EFCAB6: variants seen among roughly 807,000 people sequenced by gnomAD.
EFCAB6 encodes the protein EF-hand calcium-binding domain-containing protein 6.
Under a neutral mutation model 169.8 loss-of-function variants are expected in EFCAB6, and 156 were observed. The observed-to-expected ratio is 0.92, with a 90% CI of 0.81 to 1.05. EFCAB6 has a LOEUF of 1.05. Among genes scored for constraint, EFCAB6 ranks in the 50% least tolerant of loss-of-function variants. EFCAB6 has a pLI of 0.00. For synonymous variants in EFCAB6, 698 were observed against 676.4 expected (o/e 1.03, Z -0.50); for missense variants, 1,800 against 1,829.1 (o/e 0.98, Z 0.29).
chr22:43,731,708 C>T lies in EFCAB6; in HGVS notation c.748G>A (p.Gly250Arg). ...NNDLNLRYCM[G>R]NQEVSLENQQ... is the part of the protein sequence containing the mutation. ...CTTTAAAAATACTTACCTTGATTTC[C>T]CATACAATATCTAAGGTTCAAGTCG... Residue 250 changes from glycine (G) to arginine (R), a missense_variant, in exon 8 of 32, where the codon GGA becomes AGA. Gly to Arg is a moderately radical substitution (Grantham distance 125). Transcript: ENST00000262726. The T allele has an allele frequency of 6.3e-7, 1 of 1,577,132 alleles. No homozygotes were observed. Among genetic ancestry groups the T allele is most frequent in the Non-Finnish European group, 8.6e-7 (1 of 1,163,984 alleles).
chr22:43,615,727 C>T, intron 21 of EFCAB6, 99 bp downstream of exon 21: 1 of 1,018,160 alleles, frequency 9.8e-7, no homozygotes, highest in South Asian at 1.6e-5. Context: ...AGTTGTTTTC[C>T]CATCTTAGCG....
chr22:43,617,070 A>G (rs2053743394), intron 20 of EFCAB6, among the ~76,000 whole-genome samples: 1 of 152,184 alleles, frequency 6.6e-6, no homozygotes, highest in Non-Finnish European at 1.5e-5. Flanking sequence ...TTTCTGTGCC[A>G]TCTTTCTCCA....
At chr22:43,582,167 G>T (rs1279814682) in intron 24 of EFCAB6, among the ~76,000 whole-genome samples, 1 of 152,112 alleles carries the variant, frequency 6.6e-6, no homozygotes, top group Non-Finnish European at 1.5e-5. Flanking sequence ...GTTTTAACAA[G>T]AATCTCTTAT....
intron 6 of EFCAB6, among the ~76,000 whole-genome samples, chr22:43,742,974 C>G (rs1281083971): frequency 2.0e-5 from 3 of 152,192 alleles, no homozygotes; most frequent in African/African-American, 7.2e-5. Flanking sequence ...GAAGGCAAGA[C>G]AGAAAACTCT....
intron 8 of EFCAB6, among the ~76,000 whole-genome samples, chr22:43,725,614 C>T (rs1342110954): frequency 2.6e-5 from 4 of 152,148 alleles, no homozygotes; most frequent in African/African-American, 4.8e-5. Flanking sequence ...ACCATAACAC[C>T]AACCCAGAAA....
intron 2 of EFCAB6, among the ~76,000 whole-genome samples, chr22:43,799,252 C>A (rs377565825): frequency 1.3e-5 from 2 of 151,754 alleles, no homozygotes; most frequent in Non-Finnish European, 2.9e-5. Context: ...ATCACTTGAG[C>A]CCAGGAGTTC....
chr22:43,606,088 A>C (rs1005806765), intron 22 of EFCAB6, among the ~76,000 whole-genome samples: 2 of 152,228 alleles, frequency 1.3e-5, no homozygotes, highest in African/African-American at 2.4e-5. Context: ...GAGGAAGTAG[A>C]GGAATTACCA....
Position 43,615,932 on chromosome 22 carries a change from A to C in EFCAB6, c.2466-10T>G. 2 of 1,607,224 alleles carry C rather than the reference A, an allele frequency of 1.2e-6. No individual in the cohort carries two copies. Among genetic ancestry groups the C allele is most frequent in the African/African-American group, 2.7e-5 (2 of 74,802 alleles). ...AACCTTCTGTTTTGGTCTTAAAAGA[A>C]AAAAAATAATAAATAACTGTGTTTA... On this transcript the variant is annotated splice_polypyrimidine_tract_variant and intron_variant, in intron 20 of 31. Coordinates refer to ENST00000262726, the MANE Select transcript of EFCAB6 (RefSeq NM_022785.4).
At chr22:43,765,035 T>A (rs763444223) in intron 5 of EFCAB6, among the ~76,000 whole-genome samples, 1 of 152,230 alleles carries the variant, frequency 6.6e-6, no homozygotes, top group Non-Finnish European at 1.5e-5. Flanking sequence ...ATATTGCATG[T>A]AAACTATTTT....
chr22:43,652,319 C>T (rs974451725), intron 17 of EFCAB6, among the ~76,000 whole-genome samples: 1 of 152,094 alleles, frequency 6.6e-6, no homozygotes, highest in Non-Finnish European at 1.5e-5. Flanking sequence ...TTTTTGCCTG[C>T]CACCATCTAC....
In EFCAB6 at chr22:43,784,540, T is replaced by G. The variant is rs1007190023; in HGVS notation, c.-7-2215A>C. 2.0e-4 allele frequency among the ~76,000 whole-genome samples: 22 copies of G among 112,748 alleles called. 1 individual carries two copies. The highest frequency in any genetic ancestry group is 3.4e-4 in the Non-Finnish European group (19 of 56,190). 74.0% of individuals were successfully genotyped at this position (112,748 alleles called of 152,430 possible). On this transcript the variant is annotated intron_variant, in intron 2 of 31. Transcript: ENST00000262726. ...GTGTGTGTGTGTGTGTGTGTGTGTG[T>G]GTGTATATGTATATATACACATATA...
intron 8 of EFCAB6, among the ~76,000 whole-genome samples, chr22:43,724,238 C>CA (rs2059639320): frequency 1.3e-5 from 2 of 152,122 alleles, no homozygotes; most frequent in African/African-American, 4.8e-5. Context: ...GGCATGGATA[C>CA]AATGCAGCCA....
In EFCAB6 at chr22:43,738,513, CAT is replaced by C. The variant is rs370293335; in HGVS notation, c.508-2522_508-2521del. Among the ~76,000 whole-genome samples the C allele has an allele frequency of 5.9e-3, 664 of 111,648 alleles. 4 individuals carry two copies. The highest frequency in any genetic ancestry group is 0.02 in the African/African-American group (469 of 23,966). The allele number at this position is 111,648 out of a possible 152,430, so 73.2% of individuals were successfully genotyped here. ...CACATGCACATATACTCACACACAC[CAT>C]ATCTCACACATATATTCACACACAC... On this transcript the variant is annotated intron_variant, in intron 6 of 31. Coordinates refer to ENST00000262726, the MANE Select transcript of EFCAB6 (RefSeq NM_022785.4).
chr22:43,606,917 T>C (rs1197920265), intron 22 of EFCAB6, among the ~76,000 whole-genome samples: 2 of 152,150 alleles, frequency 1.3e-5, no homozygotes, highest in Non-Finnish European at 1.5e-5. Flanking sequence ...GTGGGGGACA[T>C]GACTCCAATA....
At chr22:43,791,794 C>T (rs1266193472) in intron 2 of EFCAB6, among the ~76,000 whole-genome samples, 1 of 152,144 alleles carries the variant, frequency 6.6e-6, no homozygotes, top group Non-Finnish European at 1.5e-5. Flanking sequence ...AAGAACTCTG[C>T]TGTAATGGGG....
chr22:43,638,659 T>C lies in EFCAB6; in HGVS notation c.1984-3443A>G, dbSNP rs1028716747. Among the ~76,000 whole-genome samples the C allele has an allele frequency of 1.5e-4, 23 of 152,212 alleles. 1 individual carries two copies. Among genetic ancestry groups the C allele is most frequent in the African/African-American group, 5.5e-4 (23 of 41,456 alleles). ...GTTTGCTATGTCTCTTTGCAGCACTTTTTTGGTGGTTTCTATGTGATTACA... is the reference window on the plus strand; with the variant it reads ...GTTTGCTATGTCTCTTTGCAGCACTCTTTTGGTGGTTTCTATGTGATTACA... On this transcript the variant is annotated intron_variant, in intron 17 of 31. Transcript: ENST00000262726.
chr22:43,784,115 A>G lies in EFCAB6; in HGVS notation c.-7-1790T>C, dbSNP rs1165918645. Among the ~76,000 whole-genome samples the G allele has an allele frequency of 2.0e-5, 3 of 152,180 alleles. No individual in the cohort carries two copies. The East Asian group carries it at 5.8e-4, about 29-fold the overall frequency. On this transcript the variant is annotated intron_variant, in intron 2 of 31. Transcript: ENST00000262726. ...GTCCAGTTTTCAACAAAAATTTATG[A>G]GATGTGCAAAGAAACAAGGAAGTGT...
chr22:43,542,589 A>C (rs2047799825), intron 27 of EFCAB6, among the ~76,000 whole-genome samples: 1 of 152,090 alleles, frequency 6.6e-6, no homozygotes, highest in Non-Finnish European at 1.5e-5. Flanking sequence ...CAAAAACAAA[A>C]AATTCTGTGG....
intron 6 of EFCAB6, among the ~76,000 whole-genome samples, chr22:43,751,980 CA>C (rs2060786646): frequency 6.6e-6 from 1 of 152,112 alleles, no homozygotes; most frequent in South Asian, 2.1e-4. Flanking sequence ...CTAGAGTTGG[CA>C]AAATCTGAAA....
Sources: gnomAD v4.1 joint callset for allele counts (sites outside exome capture counted in the v4.1 genomes callset) on GRCh38, gnomAD v4.1.1 for gene constraint, MANE v1.5 for transcripts, NCBI Gene and HGNC (gene_info 2026-07-23, HGNC 2026-07-21) for gene names.